Variants in SNCAIP observed in about 807,000 individuals in gnomAD.
SNCAIP encodes synuclein alpha interacting protein.
Under a neutral mutation model 86.7 loss-of-function variants are expected in SNCAIP, and 43 were observed. The observed-to-expected ratio is 0.50, with a 90% CI of 0.39 to 0.64. The LOEUF (loss-of-function observed/expected upper bound fraction) is 0.64. Ranked by LOEUF, SNCAIP falls within the 30% of genes least tolerant of loss-of-function variation. The pLI is 0.00. For missense variants in SNCAIP, 981 were observed against 1,103.1 expected (o/e 0.89, Z 1.57); for synonymous variants, 417 against 427.2 (o/e 0.98, Z 0.29).
chr5:122,331,402 G>A (rs1755310616), intron 1 of SNCAIP, among the ~76,000 whole-genome samples: 1 of 152,158 alleles, frequency 6.6e-6, no homozygotes, highest in Admixed American at 6.5e-5. Flanking sequence ...TTTCCCAGAA[G>A]TTCAGAAGAT....
intron 1 of SNCAIP, 72 bp downstream of exon 1, chr5:122,312,356 T>A (rs1750748664): frequency 6.6e-6 from 1 of 152,368 alleles, no homozygotes; most frequent in Admixed American, 6.5e-5. Context: ...CCTTTCCAAG[T>A]TTGCACCAGG....
At chr5:122,376,838 C>G (rs1765422379) in intron 1 of SNCAIP, among the ~76,000 whole-genome samples, 1 of 152,110 alleles carries the variant, frequency 6.6e-6, no homozygotes, top group Non-Finnish European at 1.5e-5. Flanking sequence ...CAGGACTGTC[C>G]TGAGGACCTG....
At chr5:122,461,356 A>G (rs1052864591) in intron 10 of SNCAIP, among the ~76,000 whole-genome samples, 2 of 152,060 alleles carry the variant, frequency 1.3e-5, no homozygotes, top group Non-Finnish European at 2.9e-5. Context: ...AGCTTTTTCA[A>G]TCTGGAACCC....
chr5:122,452,894 T>C, intron 10 of SNCAIP: 1 of 1,427,360 alleles, frequency 7.0e-7, no homozygotes, highest in African/African-American at 1.4e-5. Context: ...TGTTGCATGT[T>C]TTCAGATGAT....
chr5:122,442,390 C>G (rs1781226092), intron 7 of SNCAIP, among the ~76,000 whole-genome samples: 1 of 152,052 alleles, frequency 6.6e-6, no homozygotes. Flanking sequence ...CTCTAGAGTG[C>G]CTACTCACAT....
At chr5:122,440,548 T>G in intron 6 of SNCAIP, 81 bp from the exon 7 acceptor site, 2 of 1,336,148 alleles carry the variant, frequency 1.5e-6, no homozygotes, top group South Asian at 1.2e-5. Context: ...CTTCACAAAT[T>G]AGGGTATTGT....
chr5:122,340,588 A>G (rs562821846), intron 1 of SNCAIP, among the ~76,000 whole-genome samples: 3 of 152,198 alleles, frequency 2.0e-5, no homozygotes, highest in African/African-American at 7.2e-5. Context: ...CTTGAAGCAA[A>G]CGAATATTTT....
At chr5:122,336,765 T>A (rs1477301825) in intron 1 of SNCAIP, 3 of 152,336 alleles carry the variant, frequency 2.0e-5, no homozygotes, top group Non-Finnish European at 4.4e-5. Context: ...AACACCCAGA[T>A]GATTTTTTTG....
chr5:122,327,466 T>C (rs1561516333), intron 1 of SNCAIP, among the ~76,000 whole-genome samples: 1 of 152,132 alleles, frequency 6.6e-6, no homozygotes, highest in South Asian at 2.1e-4. Flanking sequence ...TACATGTCAA[T>C]GGAGGGACCT....
At chr5:122,376,225 G>T (rs1312555754) in intron 1 of SNCAIP, among the ~76,000 whole-genome samples, 2 of 152,130 alleles carry the variant, frequency 1.3e-5, no homozygotes, top group Non-Finnish European at 2.9e-5. Flanking sequence ...ACTGACTGAA[G>T]ATGTAGTCTT....
chr5:122,340,629 C>T (rs935529939), intron 1 of SNCAIP, among the ~76,000 whole-genome samples: 3 of 152,184 alleles, frequency 2.0e-5, no homozygotes, highest in Admixed American at 1.3e-4. Flanking sequence ...ATGAAAATAA[C>T]TTAGAACATT....
At chr5:122,359,796 A>G (rs1250163249) in intron 1 of SNCAIP, among the ~76,000 whole-genome samples, 1 of 152,214 alleles carries the variant, frequency 6.6e-6, no homozygotes, top group African/African-American at 2.4e-5. Context: ...TATTAATGGA[A>G]AGTTGTATTA....
chr5:122,415,921 G>A (rs1043202415), intron 3 of SNCAIP, among the ~76,000 whole-genome samples: 1 of 152,220 alleles, frequency 6.6e-6, no homozygotes, highest in Admixed American at 6.5e-5. Context: ...GGTTTTGCTA[G>A]TGTCGAAGTG....
At chr5:122,402,401 T>A (rs1405160347) in intron 2 of SNCAIP, among the ~76,000 whole-genome samples, 2 of 152,120 alleles carry the variant, frequency 1.3e-5, no homozygotes, top group African/African-American at 4.8e-5. Context: ...CCTCTGAGCA[T>A]GTGGGTGGGT....
chr5:122,444,452 G>A, intron 7 of SNCAIP, 111 bp from the exon 8 acceptor site: 1 of 956,988 alleles, frequency 1.0e-6, no homozygotes, highest in Non-Finnish European at 1.7e-6. Flanking sequence ...GATATTGACT[G>A]CTGAAAGGTC....
intron 5 of SNCAIP, among the ~76,000 whole-genome samples, chr5:122,427,454 G>C (rs1777597244): frequency 1.3e-5 from 2 of 151,666 alleles, no homozygotes; most frequent in Admixed American, 1.3e-4. Flanking sequence ...GAGGTCTCAG[G>C]CTTTTCATAC....
intron 1 of SNCAIP, among the ~76,000 whole-genome samples, chr5:122,377,922 C>T (rs1243714240): frequency 3.3e-5 from 5 of 152,024 alleles, no homozygotes; most frequent in Admixed American, 2.6e-4. Context: ...GCCACATTTT[C>T]GCAATCCAGT....
In SNCAIP at chr5:122,451,501, A is replaced by C; in HGVS notation, c.2654A>C (p.Asn885Thr). Residue 885 changes from asparagine (N) to threonine (T), a missense_variant, in exon 10 of 11, where the codon AAC becomes ACC. Physicochemically the swap from Asn to Thr is moderately conservative, Grantham distance 65. Transcript: ENST00000261368. ...QNNNNNYQAA[N>T]QLKTSTLPLT... ...AATAATAATAACTACCAGGCAGCCA[A>C]CCAGCTGAAAACCTCTACATTGCCC... is the stretch of plus-strand genomic sequence containing the variant. The C allele has an allele frequency of 1.9e-6, 3 of 1,613,884 alleles. No homozygotes were observed. The highest frequency in any genetic ancestry group is 2.5e-6 in the Non-Finnish European group (3 of 1,180,012).
intron 1 of SNCAIP, among the ~76,000 whole-genome samples, chr5:122,335,285 A>C (rs949623024): frequency 5.9e-5 from 9 of 152,202 alleles, no homozygotes; most frequent in African/African-American, 2.2e-4. Flanking sequence ...ATATCTAAGG[A>C]TTTGTCTTGA....
Sources: gnomAD v4.1 joint callset for allele counts (sites outside exome capture counted in the v4.1 genomes callset) on GRCh38, gnomAD v4.1.1 for gene constraint, MANE v1.5 for transcripts, NCBI Gene and HGNC (gene_info 2026-07-23, HGNC 2026-07-21) for gene names.